SH2B3: variants seen among roughly 807,000 people sequenced by gnomAD.
SH2B3 encodes SH2B adaptor protein 3, also known as SH2B adapter protein 3.
SH2B3 carries 43 observed loss-of-function variants against 51.9 expected under a neutral mutation model. That is an observed-to-expected ratio of 0.83 (90% CI 0.65 to 1.07). The LOEUF (loss-of-function observed/expected upper bound fraction) is 1.07, where lower values mean the gene tolerates loss of function less well. Among genes scored for constraint, SH2B3 ranks in the 50% least tolerant of loss-of-function variants. SH2B3 has a pLI of 0.00. For missense variants in SH2B3, 952 were observed against 834.3 expected (o/e 1.14, Z -1.74); for synonymous variants, 396 against 376.0 (o/e 1.05, Z -0.62).
chr12:111,418,165 A>G lies in SH2B3; in HGVS notation c.20A>G (p.Gln7Arg), dbSNP rs753744013. Residue 7 changes from glutamine to arginine, a missense_variant, in exon 2 of 8, where the codon CAG becomes CGG. Gln to Arg is a conservative substitution (Grantham distance 43). Coordinates refer to ENST00000341259, the MANE Select transcript of SH2B3 (RefSeq NM_005475.3). This position sits in a 1 kb window ranked among gnomAD's most constrained non-coding sequence, Gnocchi z 6.7. Reference sequence around the variant, plus strand: ...TCCGCCATGAACGGGCCTGCCCTGCAGCCCTCCTCGCCCTCTTCCGCGCCC... The same window carrying G: ...TCCGCCATGAACGGGCCTGCCCTGCGGCCCTCCTCGCCCTCTTCCGCGCCC... MNGPAL[Q>R]PSSPSSAPSA... 1 of 1,537,500 alleles carries G rather than the reference A, an allele frequency of 6.5e-7. No homozygotes were observed. The highest frequency in any genetic ancestry group is 8.6e-7 in the Non-Finnish European group (1 of 1,156,424).
At chr12:111,415,937 T>G (rs559820825) in intron 1 of SH2B3, among the ~76,000 whole-genome samples, 40 of 150,400 alleles carry the variant, frequency 2.7e-4, no homozygotes, top group Admixed American at 7.3e-4. Flanking sequence ...ATTTATGTAT[T>G]TATTTATTTA....
chr12:111,432,196 C>A (rs1349968152), intron 2 of SH2B3, among the ~76,000 whole-genome samples: 3 of 151,484 alleles, frequency 2.0e-5, no homozygotes, highest in Admixed American at 1.3e-4. Flanking sequence ...GGATTACAGG[C>A]ATGTGCCACC....
intron 2 of SH2B3, among the ~76,000 whole-genome samples, chr12:111,442,511 G>A (rs1299976433): frequency 1.3e-5 from 2 of 152,166 alleles, no homozygotes; most frequent in African/African-American, 4.8e-5. Flanking sequence ...GGGAAGGTAA[G>A]ACCACCAGGG....
intron 1 of SH2B3, among the ~76,000 whole-genome samples, chr12:111,412,666 C>T (rs1210914085): frequency 6.6e-6 from 1 of 152,154 alleles, no homozygotes; most frequent in Admixed American, 6.5e-5. Flanking sequence ...ACCTCCTGGG[C>T]TCAAGCAGTC....
chr12:111,451,605 A>G lies in SH2B3; in HGVS notation c.*3303A>G, dbSNP rs1044080319. The G allele has an allele frequency of 6.6e-6, 1 of 152,668 alleles. No individual in the cohort carries two copies. Among genetic ancestry groups the G allele is most frequent in the Non-Finnish European group, 1.5e-5 (1 of 68,036 alleles). The allele number at this position is 152,668 out of a possible 1,614,324, so 9.5% of individuals were successfully genotyped here. On this transcript the variant is annotated 3_prime_UTR_variant, in exon 8 of 8. Transcript: ENST00000341259. ...GTACAAATTGCTATATGTGAATTAA[A>G]AAGTTTTCAGAATCTTGATTTGCTG...
chr12:111,432,860 A>C (rs1361415974), intron 2 of SH2B3, among the ~76,000 whole-genome samples: 1 of 152,226 alleles, frequency 6.6e-6, no homozygotes, highest in African/African-American at 2.4e-5. Flanking sequence ...TGGCTGAAAA[A>C]TACTCCATTG....
intron 1 of SH2B3, among the ~76,000 whole-genome samples, chr12:111,417,681 T>TCCTGGGCTC (rs1871190752): frequency 1.3e-5 from 2 of 151,972 alleles, no homozygotes. Context: ...GGTCTCAAAC[T>TCCTGGGCTC]CCTGGGCTCA....
rs1451318747 is a variant in SH2B3, at chr12:111,438,948, G to A, written c.733-7805G>A. On this transcript the variant is annotated intron_variant, in intron 2 of 7. Transcript: ENST00000341259. The surrounding 1 kb of genome is among the most constrained non-coding windows in gnomAD (Gnocchi z 4.2). Reference sequence around the variant, plus strand: ...AGGTAACAAGGGTCTCTCAGATGAGGACCACAGGGGAGTTTTTGTTTTTGT... The same window carrying A: ...AGGTAACAAGGGTCTCTCAGATGAGAACCACAGGGGAGTTTTTGTTTTTGT... 6.6e-6 allele frequency among the ~76,000 whole-genome samples: 1 copy of A among 152,144 alleles called. No individual in the cohort carries two copies. Among genetic ancestry groups the A allele is most frequent in the Non-Finnish European group, 1.5e-5 (1 of 68,026 alleles).
In SH2B3 at chr12:111,410,371, G is replaced by A. The variant is rs1425164664; in HGVS notation, c.-28+4094G>A. Among the ~76,000 whole-genome samples the A allele has an allele frequency of 1.3e-5, 2 of 152,182 alleles. No homozygotes were observed. The highest frequency in any genetic ancestry group is 2.9e-5 in the Non-Finnish European group (2 of 68,002). On this transcript the variant is annotated intron_variant, in intron 1 of 7. Transcript: ENST00000341259. The surrounding 1 kb of genome is among the most constrained non-coding windows in gnomAD (Gnocchi z 4.9). ...CCCTCCTGATGTCCCCAAGTAGCAC[G>A]TGGGGAGGAGGTTCACCCACAGGCT...
chr12:111,404,970 G>T (rs1039475202), upstream of SH2B3, among the ~76,000 whole-genome samples: 2 of 152,164 alleles, frequency 1.3e-5, no homozygotes, highest in Non-Finnish European at 2.9e-5. Context: ...GGGCGTGGGC[G>T]ACTTGTTTCC....
chr12:111,412,027 G>A (rs1262576527), intron 1 of SH2B3, among the ~76,000 whole-genome samples: 1 of 152,130 alleles, frequency 6.6e-6, no homozygotes, highest in Non-Finnish European at 1.5e-5. Flanking sequence ...GAAGCTCTGT[G>A]CTGGGATAGA....
intron 2 of SH2B3, among the ~76,000 whole-genome samples, chr12:111,437,625 G>T (rs1872998682): frequency 6.6e-6 from 1 of 152,180 alleles, no homozygotes; most frequent in Non-Finnish European, 1.5e-5. Flanking sequence ...CATTTGAAGG[G>T]TCTGTGAAGG....
chr12:111,447,709 C>T lies in SH2B3; in HGVS notation c.1290C>T (p.His430=). ...ERGQCRVQHL[H]FPSVVDMLHH... The stretch of plus-strand genomic sequence containing the variant: ...GCCAGTGCCGTGTGCAGCACCTCCA[C>T]TTTCCCTCGGTCGTGGACATGCTCC... Residue 430 remains histidine (H), a synonymous_variant, in exon 7 of 8, where the codon CAC becomes CAT. Coordinates refer to ENST00000341259, the MANE Select transcript of SH2B3 (RefSeq NM_005475.3). 6.2e-7 allele frequency: 1 copy of T among 1,614,030 alleles called. No homozygotes were observed. Among genetic ancestry groups the T allele is most frequent in the Non-Finnish European group, 8.5e-7 (1 of 1,180,002 alleles).
intron 2 of SH2B3, among the ~76,000 whole-genome samples, chr12:111,422,536 G>T (rs1256537739): frequency 2.0e-5 from 3 of 150,648 alleles, no homozygotes; most frequent in Non-Finnish European, 4.4e-5. Context: ...TACCTTTATG[G>T]CCTGGCTTTT....
Position 111,418,985 on chromosome 12 carries a change from A to G in SH2B3, c.732+108A>G. On this transcript the variant is annotated intron_variant, in intron 2 of 7. Transcript: ENST00000341259. The surrounding 1 kb of genome is among the most constrained non-coding windows in gnomAD (Gnocchi z 6.7). The stretch of plus-strand genomic sequence containing the variant: ...TGATGGCTTTCCAGCTGGTGGCCAC[A>G]GAGTGTCCAGAGGGAACTAGGCCCT... The G allele has an allele frequency of 9.3e-7, 1 of 1,071,006 alleles. No homozygotes were observed. Among genetic ancestry groups the G allele is most frequent in the Non-Finnish European group, 1.2e-6 (1 of 809,448 alleles). The allele number at this position is 1,071,006 out of a possible 1,614,324, so 66.3% of individuals were successfully genotyped here. A position where few individuals can be genotyped will look rare whatever the true frequency, so the allele number is the denominator to read the frequency against.
At chr12:111,434,035 A>G (rs1483100147) in intron 2 of SH2B3, among the ~76,000 whole-genome samples, 1 of 152,236 alleles carries the variant, frequency 6.6e-6, no homozygotes, top group Non-Finnish European at 1.5e-5. Context: ...CAGAAAGGTC[A>G]TACGCATATA....
intron 2 of SH2B3, among the ~76,000 whole-genome samples, chr12:111,425,355 C>T (rs183384931): frequency 1.3e-5 from 2 of 152,112 alleles, no homozygotes; most frequent in Middle Eastern, 3.4e-3. Context: ...AGGTGGGCAG[C>T]GTGGGCCCTT....
At chr12:111,428,059 G>C (rs1483154975) in intron 2 of SH2B3, among the ~76,000 whole-genome samples, 1 of 152,234 alleles carries the variant, frequency 6.6e-6, no homozygotes, top group African/African-American at 2.4e-5. Flanking sequence ...TGATGGCACT[G>C]TTAACTAGGG....
At position 111,448,343 on chromosome 12, in the gene SH2B3, G is replaced by T; in HGVS notation, c.*41G>T. The T allele has an allele frequency of 7.2e-7, 1 of 1,380,910 alleles. No homozygotes were observed. The highest frequency in any genetic ancestry group is 1.0e-6 in the Non-Finnish European group (1 of 989,432). The allele number at this position is 1,380,910 out of a possible 1,614,324, so 85.5% of individuals were successfully genotyped here. On this transcript the variant is annotated 3_prime_UTR_variant, in exon 8 of 8. Transcript: ENST00000341259. ...AGGCCTCAACAGCTGCCCTTGAGGA[G>T]CACAGGCAGAAGTGTGAACTTGTGA...
Sources: allele counts gnomAD v4.1 joint callset (sites outside exome capture counted in the v4.1 genomes callset), GRCh38; gene constraint gnomAD v4.1.1; non-coding constraint Gnocchi (gnomAD v3.1); transcripts MANE v1.5; gene names NCBI Gene and HGNC (gene_info 2026-07-23, HGNC 2026-07-21).